Variants in TPP2 observed in about 807,000 individuals in gnomAD.
TPP2 encodes tripeptidyl-peptidase 2.
A neutral mutation model predicts 155.9 loss-of-function variants in TPP2; 34 were observed. The ratio of observed to expected loss-of-function variants is 0.22; its 90% CI spans 0.17 to 0.29. The LOEUF (loss-of-function observed/expected upper bound fraction) is 0.29. Ranked by LOEUF, TPP2 falls within the 10% of genes least tolerant of loss-of-function variation. TPP2 has a pLI of 1.00. For missense variants in TPP2, 1,028 were observed against 1,522.3 expected, an observed-to-expected ratio of 0.68 and a Z score of 5.40; for synonymous variants, 510 against 529.4, an observed-to-expected ratio of 0.96 and a Z score of 0.50.
intron 2 of TPP2, among the ~76,000 whole-genome samples, chr13:102,610,799 T>C (rs115357186): frequency 1.4e-3 from 206 of 152,070 alleles, no homozygotes; most frequent in African/African-American, 4.8e-3. Context: ...AAAATATACA[T>C]ACATAAAATA....
At chr13:102,651,206 C>T (rs1236995147) in intron 23 of TPP2, among the ~76,000 whole-genome samples, 153 bp from the exon 24 acceptor site, 2 of 152,148 alleles carry the variant, frequency 1.3e-5, no homozygotes, top group African/African-American at 4.8e-5. Flanking sequence ...ATGTTGCTTT[C>T]TTTAAAAGCA....
At chr13:102,652,302 C>T (rs766070986) in intron 24 of TPP2, among the ~76,000 whole-genome samples, 2 of 151,390 alleles carry the variant, frequency 1.3e-5, no homozygotes, top group Non-Finnish European at 2.9e-5. Flanking sequence ...ATCGCTTGAG[C>T]CTGGGAGGTG....
chr13:102,599,999 A>G (rs981673123), intron 1 of TPP2, among the ~76,000 whole-genome samples: 107 of 152,156 alleles, frequency 7.0e-4, no homozygotes, highest in African/African-American at 2.5e-3. Context: ...AAAAAAAAAA[A>G]AACCTTGTAT....
chr13:102,672,220 G>A (rs915026454), intron 27 of TPP2, among the ~76,000 whole-genome samples: 5 of 152,310 alleles, frequency 3.3e-5, no homozygotes, highest in Middle Eastern at 3.4e-3. Flanking sequence ...AGAGTTAGCA[G>A]TCCCCCTAAG....
chr13:102,654,494 A>C (rs1297579260), intron 24 of TPP2, among the ~76,000 whole-genome samples: 2 of 152,078 alleles, frequency 1.3e-5, no homozygotes, highest in African/African-American at 2.4e-5. Context: ...TCCTAAATTA[A>C]TTTTAATAGA....
intron 1 of TPP2, 25 bp downstream of exon 1, chr13:102,597,228 G>A: frequency 7.7e-7 from 1 of 1,298,534 alleles, no homozygotes; most frequent in Non-Finnish European, 9.9e-7. Context: ...GAGGGCCCGG[G>A]CGCGGGGGCG....
At chr13:102,637,573 CAG>C (rs1304183874) in intron 14 of TPP2, among the ~76,000 whole-genome samples, 1 of 109,224 alleles carries the variant, frequency 9.2e-6, no homozygotes, top group Non-Finnish European at 1.9e-5. Context: ...TTTTAAGAGA[CAG>C]AGTCTTGCTC....
rs1364556427 is a variant in TPP2 at position 102,649,454 on chromosome 13, A to T, written c.2920A>T (p.Thr974Ser). 6.2e-7 allele frequency: 1 copy of T among 1,613,024 alleles called. No individual in the cohort carries two copies. Among genetic ancestry groups the T allele is most frequent in the African/African-American group, 1.3e-5 (1 of 75,002 alleles). ...GPGCYLAGSLTLSKTELGKKA... is the reference protein window; with the variant it reads ...GPGCYLAGSLSLSKTELGKKA... ...TGGATGCTATCTTGCAGGATCCTTA[A>T]CATTGTCAAAGACTGAACTAGGAAA... Residue 974 changes from threonine to serine, a missense_variant, in exon 23 of 30, where the codon ACA (threonine) becomes TCA (serine). By Grantham distance (58) the Thr-to-Ser change is moderately conservative. Transcript: ENST00000376052.
chr13:102,634,053 A>G lies in TPP2; in HGVS notation c.1348A>G (p.Met450Val), dbSNP rs2139499535. Reference sequence around the variant, plus strand: ...GACGCAGCTGATGAATGGAACATCTATGTCTTCCCCCAATGCATGTGGAGG... The same window carrying G: ...GACGCAGCTGATGAATGGAACATCTGTGTCTTCCCCCAATGCATGTGGAGG... The part of the protein sequence containing the change: ...RGTQLMNGTS[M>V]SSPNACGGIA... The change falls in exon 11 of 30, where the codon ATG (methionine) becomes GTG (valine). Residue 450 changes from methionine to valine, a missense_variant. Met to Val is a conservative substitution (Grantham distance 21). Around this residue, in one of 7 missense-constraint regions of TPP2, gnomAD observed 63 missense variants for 165.7 expected, o/e 0.38. Transcript: ENST00000376052. The G allele has an allele frequency of 1.2e-6, 2 of 1,613,982 alleles. No homozygotes were observed. The highest frequency in any genetic ancestry group is 1.7e-6 in the Non-Finnish European group (2 of 1,179,952).
chr13:102,629,365 A>G (rs914581462), intron 8 of TPP2, 117 bp from the exon 9 acceptor site: 243 of 1,221,004 alleles, frequency 2.0e-4, no homozygotes, highest in Admixed American at 3.6e-4. Flanking sequence ...ATCATGTTCC[A>G]CCAAGGGTGG....
At chr13:102,618,879 A>G in intron 5 of TPP2, 33 bp downstream of exon 5, 2 of 1,575,322 alleles carry the variant, frequency 1.3e-6, no homozygotes, top group Non-Finnish European at 1.7e-6. Flanking sequence ...ATCTTCATTT[A>G]CAAATGTTTT....
intron 27 of TPP2, among the ~76,000 whole-genome samples, chr13:102,668,788 A>T (rs1324014889): frequency 6.6e-6 from 1 of 152,238 alleles, no homozygotes; most frequent in Non-Finnish European, 1.5e-5. Context: ...AAGCATAGCA[A>T]GGAACAAATT....
chr13:102,632,780 CAT>C (rs771293543), intron 10 of TPP2, among the ~76,000 whole-genome samples: 4 of 152,152 alleles, frequency 2.6e-5, no homozygotes, highest in Admixed American at 2.0e-4. Context: ...GTGCAGGTGA[CAT>C]ATTGATGAAC....
chr13:102,673,688 C>G (rs1595226950), intron 27 of TPP2, among the ~76,000 whole-genome samples: 2 of 152,246 alleles, frequency 1.3e-5, no homozygotes, highest in Non-Finnish European at 2.9e-5. Context: ...CACTTCCTAA[C>G]TGGAGGACCT....
intron 1 of TPP2, among the ~76,000 whole-genome samples, chr13:102,598,263 GCCCCTGGCTATCTTATC>G (rs1879139287): frequency 1.3e-5 from 2 of 152,202 alleles, no homozygotes; most frequent in South Asian, 4.1e-4. Context: ...TCGTTGATCA[GCCCCTGGCTATCTTATC>G]CTCCTTTCTA....
intron 5 of TPP2, among the ~76,000 whole-genome samples, chr13:102,622,500 T>G (rs1202960147): frequency 6.6e-6 from 1 of 152,206 alleles, no homozygotes; most frequent in African/African-American, 2.4e-5. Flanking sequence ...GCCGTTAGAT[T>G]CTTGAAGCCA....
intron 24 of TPP2, among the ~76,000 whole-genome samples, chr13:102,653,403 G>GT (rs1277276752): frequency 2.0e-5 from 3 of 151,848 alleles, no homozygotes; most frequent in Admixed American, 1.3e-4. Flanking sequence ...TTGTTTGTAT[G>GT]TTTTTTTAAG....
intron 6 of TPP2, among the ~76,000 whole-genome samples, chr13:102,625,164 C>CTTTTTTTTT: frequency 1.4e-5 from 1 of 73,484 alleles, no homozygotes; most frequent in African/African-American, 5.9e-5. Flanking sequence ...GGCCACTTAA[C>CTTTTTTTTT]TTTTTTTTTT....
chr13:102,667,217 TATTA>T (rs1366231988), intron 27 of TPP2, among the ~76,000 whole-genome samples: 3 of 102,122 alleles, frequency 2.9e-5, no homozygotes, highest in Non-Finnish European at 6.2e-5. Flanking sequence ...TCTTAAAAAA[TATTA>T]ACTTTTAGTT....
Sources: gnomAD v4.1 joint callset for allele counts (sites outside exome capture counted in the v4.1 genomes callset) on GRCh38, gnomAD v4.1.1 for gene constraint, gnomAD v4.1.1 regional missense constraint, MANE v1.5 for transcripts, NCBI Gene and HGNC (gene_info 2026-07-23, HGNC 2026-07-21) for gene names.